ADGRA1: variants seen among roughly 807,000 people sequenced by gnomAD.
The protein encoded by ADGRA1 is adhesion G protein-coupled receptor A1, also known as G-protein coupled receptor 123.
ADGRA1 carries 12 observed loss-of-function variants against 21.3 expected under a neutral mutation model. That is an observed-to-expected ratio of 0.56 (90% CI 0.36 to 0.91). The LOEUF is 0.91. Ranked by LOEUF, ADGRA1 falls within the 40% of genes least tolerant of loss-of-function variation. The probability of loss-of-function intolerance (pLI) is 0.01; values close to 1 mark genes in which losing one functional copy is unlikely to be tolerated. For missense variants in ADGRA1, 790 were observed against 805.6 expected (o/e 0.98, Z 0.23); for synonymous variants, 385 against 368.8 (o/e 1.04, Z -0.50).
At chr10:133,095,860 C>T in intron 2 of ADGRA1, 3 of 1,517,442 alleles carry the variant, frequency 2.0e-6, no homozygotes, top group Non-Finnish European at 2.7e-6. Context: ...CGGAGCCATC[C>T]CAGAGGCCCG....
intron 5 of ADGRA1, among the ~76,000 whole-genome samples, chr10:133,115,792 T>A (rs1291908849): frequency 6.6e-6 from 1 of 152,118 alleles, no homozygotes; most frequent in African/African-American, 2.4e-5. Flanking sequence ...CACGTTCCCT[T>A]GTCCTCTGAG....
chr10:133,115,221 GC>G (rs1852134321), intron 5 of ADGRA1, among the ~76,000 whole-genome samples: 1 of 152,146 alleles, frequency 6.6e-6, no homozygotes, highest in Non-Finnish European at 1.5e-5. Flanking sequence ...TCCACCCTCA[GC>G]CCCTGAGCCC....
intron 5 of ADGRA1, among the ~76,000 whole-genome samples, chr10:133,116,086 G>A (rs546189552): frequency 1.6e-4 from 23 of 144,266 alleles, no homozygotes; most frequent in African/African-American, 3.1e-4. Context: ...AGGGCTAGAC[G>A]CATGCCTGGC....
rs115856552 is a variant in ADGRA1, at chr10:133,113,284, C to T, written c.401+10442C>T. Among the ~76,000 whole-genome samples the T allele has an allele frequency of 5.4e-3, 811 of 149,210 alleles. 8 individuals carry two copies. The highest frequency in any genetic ancestry group is 0.018 in the African/African-American group (735 of 40,628). ...TATTTGGGGTCTGTGGGCCGTGTTT[C>T]GGTTTGGAAGTCCAATGGCACCGCG... On this transcript the variant is annotated intron_variant, in intron 5 of 6. Transcript: ENST00000392607.
At chr10:133,093,161 C>T (rs1295865314) in intron 2 of ADGRA1, 12 of 1,596,252 alleles carry the variant, frequency 7.5e-6, no homozygotes, top group Non-Finnish European at 9.3e-6. Context: ...CAGACCTGGC[C>T]CCGGACACCT....
intron 5 of ADGRA1, among the ~76,000 whole-genome samples, chr10:133,117,061 G>A (rs1852172757): frequency 1.3e-5 from 2 of 152,142 alleles, no homozygotes; most frequent in African/African-American, 4.8e-5. Flanking sequence ...TCAGTCCCAG[G>A]TGCTCTCATG....
intron 3 of ADGRA1, 134 bp from the exon 4 acceptor site, chr10:133,098,506 C>A: frequency 9.3e-7 from 1 of 1,077,668 alleles, no homozygotes. Flanking sequence ...TGACCGGGTC[C>A]TCGGACAGCT....
In ADGRA1 at chr10:133,088,811, G is replaced by A; in HGVS notation, c.-99G>A. The A allele has an allele frequency of 8.1e-7, 1 of 1,234,082 alleles. No homozygotes were observed. Among genetic ancestry groups the A allele is most frequent in the Non-Finnish European group, 1.0e-6 (1 of 987,918 alleles). The allele number at this position is 1,234,082 out of a possible 1,614,324, so 76.4% of individuals were successfully genotyped here. A position where few individuals can be genotyped will look rare whatever the true frequency, so the allele number is the denominator to read the frequency against. ...CGCCGTCTGGGACTTTGACCTTCCAGAGGCCATGGAGGCTGGCGGGGAGCA... is the reference window on the plus strand; with the variant it reads ...CGCCGTCTGGGACTTTGACCTTCCAAAGGCCATGGAGGCTGGCGGGGAGCA... On this transcript the variant is annotated 5_prime_UTR_variant, in exon 2 of 7. Coordinates refer to ENST00000392607, the MANE Select transcript of ADGRA1 (RefSeq NM_001083909.3).
intron 2 of ADGRA1, chr10:133,095,518 C>T: frequency 9.2e-7 from 1 of 1,084,318 alleles, no homozygotes; most frequent in Non-Finnish European, 1.3e-6. Context: ...GTGCCTTCGC[C>T]CTCGCACAGG....
intron 2 of ADGRA1, among the ~76,000 whole-genome samples, chr10:133,091,128 C>T (rs542548354): frequency 1.3e-5 from 2 of 152,350 alleles, no homozygotes; most frequent in Non-Finnish European, 2.9e-5. Context: ...GGTGTCACTT[C>T]GCACCCTGTA....
Position 133,111,970 on chromosome 10 carries a change from ACCACAGGCACCTCCCTCCTAATGCCT to A in ADGRA1, c.401+9132_401+9157del, listed in dbSNP as rs1564849689. 1.4e-3 allele frequency among the ~76,000 whole-genome samples: 82 copies of A among 56,648 alleles called. 11 individuals carry two copies. The highest frequency in any genetic ancestry group is 6.0e-3 in the East Asian group (11 of 1,830). 37.2% of individuals were successfully genotyped at this position (56,648 alleles called of 152,430 possible). ...CCTAATCCCTCCAGACCACCTGCCC[ACCACAGGCACCTCCCTCCTAATGCCT>A]CCAGACCACCTGCCCACCACAGACA... is the stretch of plus-strand genomic sequence containing the variant. On this transcript the variant is annotated intron_variant, in intron 5 of 6. Coordinates refer to ENST00000392607, the MANE Select transcript of ADGRA1 (RefSeq NM_001083909.3).
chr10:133,093,710 C>T (rs1851641344), intron 2 of ADGRA1, among the ~76,000 whole-genome samples: 1 of 152,220 alleles, frequency 6.6e-6, no homozygotes, highest in African/African-American at 2.4e-5. Context: ...TCTTCACCCC[C>T]CAGGAGCCTG....
chr10:133,101,513 G>A (rs1047350526), intron 4 of ADGRA1, among the ~76,000 whole-genome samples: 6 of 152,214 alleles, frequency 3.9e-5, no homozygotes, highest in East Asian at 1.9e-4. Context: ...GCTCTGCCAC[G>A]TACACCTTCT....
At chr10:133,112,015 A>AATCCCTC (rs1564849802) in intron 5 of ADGRA1, among the ~76,000 whole-genome samples, 1 of 113,318 alleles carries the variant, frequency 8.8e-6, no homozygotes. Flanking sequence ...CCTGCCCACC[A>AATCCCTC]CAGACACCTC....
chr10:133,108,422 G>A (rs952480994), intron 5 of ADGRA1, among the ~76,000 whole-genome samples: 5 of 152,154 alleles, frequency 3.3e-5, no homozygotes, highest in Non-Finnish European at 5.9e-5. Flanking sequence ...GGGTGACTCC[G>A]TGGAGAAGGA....
At chr10:133,099,018 C>A (rs774562178) in intron 4 of ADGRA1, among the ~76,000 whole-genome samples, 1 of 152,154 alleles carries the variant, frequency 6.6e-6, no homozygotes, top group African/African-American at 2.4e-5. Flanking sequence ...GTGCACTGCC[C>A]GGGAACAGGG....
Position 133,128,612 on chromosome 10 carries a change from AC to A in ADGRA1, c.785del (p.Thr262SerfsTer35). 6.2e-7 allele frequency: 1 copy of A among 1,603,984 alleles called. No homozygotes were observed. Among genetic ancestry groups the A allele is most frequent in the Non-Finnish European group, 8.5e-7 (1 of 1,177,222 alleles). On this transcript the variant is annotated frameshift_variant, in exon 7 of 7. Coordinates refer to ENST00000392607, the MANE Select transcript of ADGRA1 (RefSeq NM_001083909.3). LOFTEE classifies it low-confidence loss of function (END_TRUNC). ...GGCACAGCTGCGCGCCGCCGCCTTC[AC>A]GCTGTTCCTGTTCACGGCCACGTGG... ...FQAQLRAAAF[T>X]LFLFTATWAF...
intron 5 of ADGRA1, among the ~76,000 whole-genome samples, chr10:133,111,828 A>T (rs71217084): frequency 0.051 from 1,613 of 31,460 alleles, 2 homozygotes; most frequent in Middle Eastern, 0.083. Context: ...TCCTAATCCC[A>T]CCAGACCACC....
chr10:133,089,618 G>C, intron 2 of ADGRA1, among the ~76,000 whole-genome samples: 1 of 152,230 alleles, frequency 6.6e-6, no homozygotes, highest in South Asian at 2.1e-4. Context: ...GAGGACCCAG[G>C]GCACGTGCAG....
Sources: gnomAD v4.1 joint callset for allele counts (sites outside exome capture counted in the v4.1 genomes callset) on GRCh38, gnomAD v4.1.1 for gene constraint, MANE v1.5 for transcripts, NCBI Gene and HGNC (gene_info 2026-07-23, HGNC 2026-07-21) for gene names.